Variants in FHIT observed in about 807,000 individuals in gnomAD.
FHIT encodes the protein bis(5'-adenosyl)-triphosphatase.
In FHIT, 19 loss-of-function variants were observed where a neutral mutation model predicts 17.9. That is an observed-to-expected ratio of 1.06 (90% CI 0.74 to 1.56). The LOEUF (loss-of-function observed/expected upper bound fraction) is 1.56. Among genes scored for constraint, FHIT ranks in the 40% most tolerant of loss-of-function variants. The probability of loss-of-function intolerance (pLI) is 0.00; values close to 1 mark genes in which losing one functional copy is unlikely to be tolerated. For missense variants in FHIT, 248 were observed against 189.2 expected, an observed-to-expected ratio of 1.31 and a Z score of -1.82; for synonymous variants, 81 against 69.7, an observed-to-expected ratio of 1.16 and a Z score of -0.81.
intron 5 of FHIT, among the ~76,000 whole-genome samples, chr3:60,178,101 A>C (rs1701763046): frequency 6.6e-6 from 1 of 152,178 alleles, no homozygotes; most frequent in Non-Finnish European, 1.5e-5. Flanking sequence ...CTGAAAGAAG[A>C]AATTTCTGTT....
chr3:60,387,773 G>C (rs988553583), intron 5 of FHIT, among the ~76,000 whole-genome samples: 2 of 152,014 alleles, frequency 1.3e-5, no homozygotes, highest in African/African-American at 4.8e-5. Flanking sequence ...AAATATTTTG[G>C]CTATAGTTTG....
At chr3:60,642,376 T>G (rs1160742440) in intron 4 of FHIT, among the ~76,000 whole-genome samples, 1 of 152,196 alleles carries the variant, frequency 6.6e-6, no homozygotes, top group African/African-American at 2.4e-5. Flanking sequence ...GCTAATTCAG[T>G]CAGACCCAGG....
intron 2 of FHIT, among the ~76,000 whole-genome samples, chr3:61,091,654 G>A (rs982834348): frequency 6.6e-6 from 1 of 151,964 alleles, no homozygotes; most frequent in African/African-American, 2.4e-5. Flanking sequence ...ATGAAGCTTA[G>A]AACCAACAGG....
At chr3:59,992,795 C>T (rs981128468) in intron 7 of FHIT, among the ~76,000 whole-genome samples, 2 of 151,980 alleles carry the variant, frequency 1.3e-5, no homozygotes, top group South Asian at 2.1e-4. Flanking sequence ...AGAGAGAACA[C>T]GTGAAAGTCA....
chr3:60,535,216 T>G (rs1456497530), intron 5 of FHIT, among the ~76,000 whole-genome samples: 1 of 152,146 alleles, frequency 6.6e-6, no homozygotes, highest in African/African-American at 2.4e-5. Context: ...AGAGTGAGAC[T>G]CTGCCTCAAA....
chr3:59,827,882 C>T (rs1454787359), intron 8 of FHIT, among the ~76,000 whole-genome samples: 2 of 152,198 alleles, frequency 1.3e-5, no homozygotes, highest in Admixed American at 1.3e-4. Context: ...TTTGCCCCAT[C>T]TAAGTCTTTG....
chr3:61,043,940 C>T (rs2033655201), intron 2 of FHIT, among the ~76,000 whole-genome samples: 1 of 152,144 alleles, frequency 6.6e-6, no homozygotes, highest in South Asian at 2.1e-4. Context: ...GGAAAACTAA[C>T]AAACAGAAAG....
intron 5 of FHIT, among the ~76,000 whole-genome samples, chr3:60,483,428 T>A (rs400870): frequency 0.33 from 49,562 of 152,032 alleles, 11,412 homozygotes; most frequent in African/African-American, 0.65. Flanking sequence ...GAAAATCCTC[T>A]GTAAAATACT....
intron 8 of FHIT, among the ~76,000 whole-genome samples, chr3:59,820,781 G>A (rs572112085): frequency 6.6e-5 from 10 of 152,276 alleles, no homozygotes; most frequent in Non-Finnish European, 1.2e-4. Context: ...TTAGAGTGGT[G>A]GTGGTGATGG....
At chr3:59,946,992 G>T (rs1016274173) in intron 7 of FHIT, among the ~76,000 whole-genome samples, 6 of 152,144 alleles carry the variant, frequency 3.9e-5, no homozygotes, top group African/African-American at 1.4e-4. Flanking sequence ...TTGTGTCTCT[G>T]CCAGATTTTG....
At chr3:60,597,987 G>C (rs2038325485) in intron 4 of FHIT, among the ~76,000 whole-genome samples, 1 of 152,086 alleles carries the variant, frequency 6.6e-6, no homozygotes. Flanking sequence ...CTTCAGGAAA[G>C]CCAAGAAGAA....
chr3:60,542,893 A>G (rs1038088741), intron 4 of FHIT, among the ~76,000 whole-genome samples: 1 of 152,124 alleles, frequency 6.6e-6, no homozygotes, highest in East Asian at 1.9e-4. Context: ...CATCCTTAAC[A>G]TTTAGGTATT....
chr3:60,625,183 A>G (rs2039250656), intron 4 of FHIT, among the ~76,000 whole-genome samples: 1 of 152,214 alleles, frequency 6.6e-6, no homozygotes, highest in Non-Finnish European at 1.5e-5. Flanking sequence ...TGTTGGGATT[A>G]CAGGCATGAA....
intron 3 of FHIT, among the ~76,000 whole-genome samples, chr3:61,012,613 G>T (rs2031858006): frequency 6.6e-6 from 1 of 151,540 alleles, no homozygotes; most frequent in Admixed American, 6.6e-5. Context: ...ATATAGGAAT[G>T]AATTAAAAAA....
intron 5 of FHIT, among the ~76,000 whole-genome samples, chr3:60,368,082 C>T (rs1700180701): frequency 6.6e-6 from 1 of 150,804 alleles, no homozygotes; most frequent in Non-Finnish European, 1.5e-5. Flanking sequence ...AGAATCTTTA[C>T]AAGTAAAGTG....
intron 8 of FHIT, among the ~76,000 whole-genome samples, chr3:59,910,578 T>G (rs1225665434): frequency 3.3e-5 from 5 of 152,296 alleles, no homozygotes; most frequent in African/African-American, 1.2e-4. Context: ...GGCTTATTCC[T>G]AGATGGGTAG....
At position 60,587,909 on chromosome 3, in the gene FHIT, C is replaced by G. The variant is rs553640549; in HGVS notation, c.-17-50930G>C. Among the ~76,000 whole-genome samples, 592 of 152,052 alleles carry G rather than the reference C, an allele frequency of 3.9e-3. 2 individuals are homozygous for G. Among genetic ancestry groups the G allele is most frequent in the Non-Finnish European group, 7.0e-3 (476 of 67,948 alleles). On this transcript the variant is annotated intron_variant, in intron 4 of 9. Transcript: ENST00000492590. ...AGCCTGGCTGGGGTAGAATCTGTAT[C>G]AGGAGGCAAGTCTGCCTGACTCCAA... is the stretch of plus-strand genomic sequence containing the variant.
chr3:60,515,175 A>C (rs1159475806), intron 5 of FHIT, among the ~76,000 whole-genome samples: 1 of 152,138 alleles, frequency 6.6e-6, no homozygotes, highest in African/African-American at 2.4e-5. Flanking sequence ...TAAGAGGGTA[A>C]TATTCCATCC....
At chr3:60,886,972 A>C (rs1352598109) in intron 3 of FHIT, among the ~76,000 whole-genome samples, 1 of 152,214 alleles carries the variant, frequency 6.6e-6, no homozygotes, top group Non-Finnish European at 1.5e-5. Context: ...TTAGATCTAT[A>C]ATCTCACAGC....
Sources: allele counts gnomAD v4.1 joint callset (sites outside exome capture counted in the v4.1 genomes callset), GRCh38; gene constraint gnomAD v4.1.1; transcripts MANE v1.5; gene names NCBI Gene and HGNC (gene_info 2026-07-23, HGNC 2026-07-21).